The following SLC4A4 variants were observed in gnomAD, a reference collection of about 807,000 sequenced individuals.
SLC4A4 encodes the protein solute carrier family 4 member 4.
A neutral mutation model predicts 111.5 loss-of-function variants in SLC4A4; 27 were observed. The ratio of observed to expected loss-of-function variants is 0.24; its 90% CI spans 0.18 to 0.33. The LOEUF is 0.33. Among genes scored for constraint, SLC4A4 ranks in the 10% least tolerant of loss-of-function variants. The pLI, the probability that SLC4A4 is intolerant of heterozygous loss-of-function variation, is 1.00. For synonymous variants in SLC4A4, 443 were observed against 463.4 expected (o/e 0.96, Z 0.57); for missense variants, 909 against 1,315.5 (o/e 0.69, Z 4.78).
At chr4:71,297,371 A>T (rs191106289) in intron 3 of SLC4A4, among the ~76,000 whole-genome samples, 2 of 152,132 alleles carry the variant, frequency 1.3e-5, no homozygotes, top group African/African-American at 2.4e-5. Flanking sequence ...AGCATCATAC[A>T]TCTTCTCTGC....
rs754797105 is a variant in SLC4A4 at position 71,534,329 on chromosome 4, A to G, written c.2383A>G (p.Ile795Val). Reference protein sequence around the residue: ...AIPALLVTILIFMDQQITAVI... With the variant: ...AIPALLVTILVFMDQQITAVI... ...CCCGGCTTTGTTGGTCACTATACTG[A>G]TTTTCATGGACCAACAAATTACAGC... The change falls in exon 18 of 26, where the codon ATT becomes GTT. Residue 795 changes from isoleucine to valine, a missense_variant. Transcript: ENST00000264485. The G allele has an allele frequency of 6.8e-6, 11 of 1,613,508 alleles. No homozygotes were observed. The South Asian group carries it at 1.1e-4, about 16-fold the overall frequency.
intron 1 of SLC4A4, among the ~76,000 whole-genome samples, chr4:71,226,217 C>CACT (rs1719039134): frequency 6.6e-6 from 1 of 152,152 alleles, no homozygotes; most frequent in African/African-American, 2.4e-5. Flanking sequence ...GATTGTAACG[C>CACT]ACTACAGCCT....
At chr4:71,403,013 T>C (rs1720510652) in intron 7 of SLC4A4, among the ~76,000 whole-genome samples, 1 of 152,246 alleles carries the variant, frequency 6.6e-6, no homozygotes, top group South Asian at 2.1e-4. Flanking sequence ...AAAGAAGGTA[T>C]GTATTTTAAA....
At chr4:71,180,189 C>G (rs917739258) in intron 2 of SLC4A4, among the ~76,000 whole-genome samples, 16 of 152,138 alleles carry the variant, frequency 1.1e-4, no homozygotes, top group African/African-American at 3.6e-4. Context: ...ACACCTTATA[C>G]AAAAATTAAT....
At chr4:71,285,649 G>A (rs1350244600) in intron 3 of SLC4A4, among the ~76,000 whole-genome samples, 2 of 152,078 alleles carry the variant, frequency 1.3e-5, no homozygotes, top group African/African-American at 2.4e-5. Flanking sequence ...ATAATAACCA[G>A]CTATAAAACA....
At chr4:71,161,175 C>T (rs1241893963) in intron 2 of SLC4A4, among the ~76,000 whole-genome samples, 1 of 152,100 alleles carries the variant, frequency 6.6e-6, no homozygotes, top group East Asian at 1.9e-4. Context: ...GAGACATTAA[C>T]CTGAGCCCTT....
In SLC4A4 at chr4:71,563,871, G is replaced by A. The variant is rs1269398719; in HGVS notation, c.3178G>A (p.Asp1060Asn). 1.1e-5 allele frequency: 18 copies of A among 1,608,820 alleles called. No homozygotes were observed. Among genetic ancestry groups the A allele is most frequent in the East Asian group, 4.5e-5 (2 of 44,722 alleles). Residue 1060 changes from aspartate (D) to asparagine (N), a missense_variant, in exon 24 of 26, where the codon GAT becomes AAT. Asp to Asn is a conservative substitution (Grantham distance 23). This residue lies in a region of SLC4A4 where 85 missense variants were observed against 79.8 expected (regional missense o/e 1.07). Coordinates refer to ENST00000264485, the MANE Select transcript of SLC4A4 (RefSeq NM_001098484.3). ...DIMEQQPFLS[D>N]SKPSDRERSP... ...CATGGAACAGCAACCTTTCCTAAGC[G>A]ATAGCAAACCTTCTGACAGTGAGTA...
chr4:71,365,044 T>C (rs1731121543), intron 6 of SLC4A4, among the ~76,000 whole-genome samples: 1 of 152,152 alleles, frequency 6.6e-6, no homozygotes, highest in African/African-American at 2.4e-5. Flanking sequence ...TAAAGATTGA[T>C]CATTATGTCT....
intron 3 of SLC4A4, among the ~76,000 whole-genome samples, chr4:71,275,938 G>A (rs536342513): frequency 1.3e-5 from 2 of 152,288 alleles, no homozygotes; most frequent in East Asian, 3.9e-4. Flanking sequence ...TTAAATCCAC[G>A]AGATGTGGCT....
intron 16 of SLC4A4, among the ~76,000 whole-genome samples, chr4:71,511,967 T>A (rs1376262043): frequency 1.3e-5 from 2 of 152,198 alleles, no homozygotes; most frequent in East Asian, 3.8e-4. Flanking sequence ...TATGGCTACA[T>A]AGTTTTCCAT....
chr4:71,267,008 A>C (rs1221580895), intron 3 of SLC4A4, among the ~76,000 whole-genome samples: 1 of 152,230 alleles, frequency 6.6e-6, no homozygotes, highest in African/African-American at 2.4e-5. Context: ...CAGTATCAGG[A>C]AGGATGAGAT....
intron 2 of SLC4A4, among the ~76,000 whole-genome samples, chr4:71,174,452 T>G (rs1745028615): frequency 1.3e-5 from 2 of 152,080 alleles, no homozygotes; most frequent in African/African-American, 4.8e-5. Flanking sequence ...TTCAGGATGT[T>G]GGCCAGGCTG....
Position 71,348,485 on chromosome 4 carries a change from A to T in SLC4A4, c.390-1427A>T, listed in dbSNP as rs150050086. Among the ~76,000 whole-genome samples, 797 of 152,198 alleles carry T rather than the reference A, an allele frequency of 5.2e-3. 6 individuals carry two copies. Among genetic ancestry groups the T allele is most frequent in the African/African-American group, 0.016 (681 of 41,538 alleles). On this transcript the variant is annotated intron_variant, in intron 4 of 25. Coordinates refer to ENST00000264485, the MANE Select transcript of SLC4A4 (RefSeq NM_001098484.3). ...TTTAACCATGAGGTAAACAGTAAAAATCTCCCTTCCTGCATTTTTGGGGAG... is the reference window on the plus strand; with the variant it reads ...TTTAACCATGAGGTAAACAGTAAAATTCTCCCTTCCTGCATTTTTGGGGAG...
intron 2 of SLC4A4, among the ~76,000 whole-genome samples, chr4:71,244,646 C>A (rs1007241081): frequency 6.6e-6 from 1 of 152,142 alleles, no homozygotes; most frequent in Non-Finnish European, 1.5e-5. Flanking sequence ...ACTTTCTCAC[C>A]AGTGGTTGCT....
At chr4:71,064,896 C>T (rs1741478283) in intron 1 of SLC4A4, among the ~76,000 whole-genome samples, 1 of 152,260 alleles carries the variant, frequency 6.6e-6, no homozygotes, top group Admixed American at 6.5e-5. Flanking sequence ...GATAATTCTA[C>T]CTCATGGAGT....
At chr4:71,381,762 G>A (rs1718164595) in intron 6 of SLC4A4, among the ~76,000 whole-genome samples, 1 of 152,092 alleles carries the variant, frequency 6.6e-6, no homozygotes, top group African/African-American at 2.4e-5. Context: ...TGTCACCCAG[G>A]CTGGAGTGAG....
intron 6 of SLC4A4, among the ~76,000 whole-genome samples, chr4:71,369,631 G>GACAGAAA: frequency 6.6e-6 from 1 of 152,114 alleles, no homozygotes; most frequent in African/African-American, 2.4e-5. Flanking sequence ...AAGACAGAAT[G>GACAGAAA]GGCTATGGAC....
chr4:71,450,229 A>G (rs139448958), intron 9 of SLC4A4, among the ~76,000 whole-genome samples, 160 bp from the exon 10 acceptor site: 5 of 152,306 alleles, frequency 3.3e-5, no homozygotes, highest in East Asian at 1.9e-4. Context: ...CTGAATGCCT[A>G]TATTTTCGGG....
At chr4:71,432,432 T>A (rs1466082895) in intron 7 of SLC4A4, among the ~76,000 whole-genome samples, 5 of 152,168 alleles carry the variant, frequency 3.3e-5, no homozygotes. Context: ...TGCAACTTCC[T>A]TAGGTAATAA....
Sources: allele counts gnomAD v4.1 joint callset (sites outside exome capture counted in the v4.1 genomes callset), GRCh38; gene constraint gnomAD v4.1.1; regional missense constraint gnomAD v4.1.1; transcripts MANE v1.5; gene names NCBI Gene and HGNC (gene_info 2026-07-23, HGNC 2026-07-21).